The following SNRNP48 variants were observed in gnomAD, a reference collection of about 807,000 sequenced individuals.
The protein encoded by SNRNP48 is small nuclear ribonucleoprotein U11/U12 subunit 48.
Under a neutral mutation model 47.0 loss-of-function variants are expected in SNRNP48, and 43 were observed. The observed-to-expected ratio is 0.92, with a 90% CI of 0.72 to 1.18. SNRNP48 has a LOEUF of 1.18. Ranked by LOEUF, SNRNP48 falls within the 50% of genes most tolerant of loss-of-function variation. The pLI is 0.00. For synonymous variants in SNRNP48, 138 were observed against 144.0 expected, an observed-to-expected ratio of 0.96 and a Z score of 0.30; for missense variants, 396 against 422.2, an observed-to-expected ratio of 0.94 and a Z score of 0.54.
chr6:7,595,424 A>G (rs979659612), intron 4 of SNRNP48, among the ~76,000 whole-genome samples: 4 of 152,150 alleles, frequency 2.6e-5, no homozygotes, highest in African/African-American at 9.7e-5. Flanking sequence ...CAACTTAATG[A>G]TGATTTAATT....
Position 7,590,341 on chromosome 6 carries a change from G to A in SNRNP48, c.84G>A (p.Thr28=). The A allele has an allele frequency of 7.2e-7, 1 of 1,398,066 alleles. No individual in the cohort carries two copies. The highest frequency in any genetic ancestry group is 9.4e-7 in the Non-Finnish European group (1 of 1,063,184). The allele number at this position is 1,398,066 out of a possible 1,614,324, so 86.6% of individuals were successfully genotyped here. A position where few individuals can be genotyped will look rare whatever the true frequency, so the allele number is the denominator to read the frequency against. The part of the protein sequence containing the change: ...LNEFVESGCR[T]LEEVTASLGW... ...AGTTCGTGGAGAGCGGCTGCCGGAC[G>A]TTGGAGGAGGTGACCGCGTCCCTGG... Residue 28 remains threonine (T), a synonymous_variant, in exon 1 of 9, where the codon ACG becomes ACA. Coordinates refer to ENST00000342415, the MANE Select transcript of SNRNP48 (RefSeq NM_152551.4).
rs563060294 is a variant in SNRNP48 at position 7,590,660 on chromosome 6, T to C, written c.156+247T>C. 5.3e-5 allele frequency among the ~76,000 whole-genome samples: 8 copies of C among 152,206 alleles called. No individual in the cohort carries two copies. In the East Asian group the frequency reaches 1.2e-3, roughly 22 times the overall value. On this transcript the variant is annotated intron_variant, in intron 1 of 8. Coordinates refer to ENST00000342415, the MANE Select transcript of SNRNP48 (RefSeq NM_152551.4). ...TCCACATCGACCTCCAGTGCGGCGC[T>C]CCTCCCGCGCAACTTCGAGTTTAAA...
chr6:7,602,687 A>G lies in SNRNP48; in HGVS notation c.660A>G (p.Arg220=), dbSNP rs754838317. The change falls in exon 6 of 9, where the codon AGA becomes AGG. Residue 220 remains arginine, a synonymous_variant. Coordinates refer to ENST00000342415, the MANE Select transcript of SNRNP48 (RefSeq NM_152551.4). The part of the protein sequence containing the change: ...EILAEVRDYK[R]RRQSYRAKNV... ...TGGCAGAAGTACGAGATTATAAAAG[A>G]AGACGCCAGTCCTATAGAGCCAAGA... The G allele has an allele frequency of 2.5e-6, 4 of 1,607,270 alleles. No homozygotes were observed. The East Asian group carries it at 9.0e-5, about 36-fold the overall frequency.
chr6:7,594,932 C>T (rs938716642), intron 3 of SNRNP48, 95 bp from the exon 4 acceptor site: 30 of 1,006,390 alleles, frequency 3.0e-5, no homozygotes, highest in Admixed American at 8.3e-5. Context: ...GGTTTGTCCA[C>T]GTGCCCAAAG....
At chr6:7,594,400 C>T (rs1759868561) in intron 3 of SNRNP48, among the ~76,000 whole-genome samples, 1 of 152,086 alleles carries the variant, frequency 6.6e-6, no homozygotes, top group African/African-American at 2.4e-5. Flanking sequence ...AGAGCAGACA[C>T]CTTCTTTCTC....
chr6:7,590,443 G>A, intron 1 of SNRNP48, 30 bp downstream of exon 1: 1 of 1,278,976 alleles, frequency 7.8e-7, no homozygotes, highest in Non-Finnish European at 1.0e-6. Flanking sequence ...GGCCCTTTCG[G>A]GGACTATCGG....
chr6:7,602,543 A>G, intron 5 of SNRNP48, 80 bp from the exon 6 acceptor site: 1 of 1,089,640 alleles, frequency 9.2e-7, no homozygotes, highest in South Asian at 1.8e-5. Flanking sequence ...AAAATATAGG[A>G]TTGTGATGTA....
chr6:7,605,616 G>C (rs1490677384), intron 7 of SNRNP48, 130 bp downstream of exon 7: 13 of 845,002 alleles, frequency 1.5e-5, no homozygotes, highest in Non-Finnish European at 2.4e-5. Context: ...AATGCTTTTT[G>C]TTTTTCGTTG....
At chr6:7,606,003 C>T (rs1484609332) in intron 7 of SNRNP48, 28 bp from the exon 8 acceptor site, 6 of 1,577,400 alleles carry the variant, frequency 3.8e-6, no homozygotes, top group South Asian at 1.2e-5. Flanking sequence ...GTAACACAAA[C>T]TGATTAACAT....
At chr6:7,593,165 A>C (rs1328822937) in intron 1 of SNRNP48, among the ~76,000 whole-genome samples, 2 of 152,130 alleles carry the variant, frequency 1.3e-5, no homozygotes, top group East Asian at 3.9e-4. Flanking sequence ...ATTAAACAGC[A>C]AAAGGTCAGT....
At chr6:7,601,684 A>G (rs1283714455) in intron 5 of SNRNP48, among the ~76,000 whole-genome samples, 160 bp downstream of exon 5, 8 of 152,214 alleles carry the variant, frequency 5.3e-5, no homozygotes, top group Admixed American at 2.0e-4. Context: ...TGTGGGTTCC[A>G]TATCCATCAA....
chr6:7,609,006 G>C lies in SNRNP48; in HGVS notation c.*133G>C, dbSNP rs1760183534. On this transcript the variant is annotated 3_prime_UTR_variant, in exon 9 of 9. Transcript: ENST00000342415. ...GTGCTTATTATTTTTTTTATGATCTGTTTAGTGCTTATTATTTTCCAGTAA... is the reference window on the plus strand; with the variant it reads ...GTGCTTATTATTTTTTTTATGATCTCTTTAGTGCTTATTATTTTCCAGTAA... 10 of 414,236 alleles carry C rather than the reference G, an allele frequency of 2.4e-5. No homozygotes were observed. Among genetic ancestry groups the C allele is most frequent in the Middle Eastern group, 1.3e-3 (2 of 1,488 alleles). The allele number at this position is 414,236 out of a possible 1,614,324, so 25.7% of individuals were successfully genotyped here.
chr6:7,610,795 C>A lies in SNRNP48; in HGVS notation c.*1922C>A, dbSNP rs1760220443. The A allele has an allele frequency of 6.6e-6, 1 of 152,140 alleles. No individual in the cohort carries two copies. Among genetic ancestry groups the A allele is most frequent in the African/African-American group, 2.4e-5 (1 of 41,438 alleles). The allele number at this position is 152,140 out of a possible 1,614,324, so 9.4% of individuals were successfully genotyped here. On this transcript the variant is annotated 3_prime_UTR_variant, in exon 9 of 9. Coordinates refer to ENST00000342415, the MANE Select transcript of SNRNP48 (RefSeq NM_152551.4). ...GGGTGAAAAGAGGCATTTGTTTGATCCTTGAACGAATTAATCTCACGTACT... is the reference window on the plus strand; with the variant it reads ...GGGTGAAAAGAGGCATTTGTTTGATACTTGAACGAATTAATCTCACGTACT...
intron 1 of SNRNP48, among the ~76,000 whole-genome samples, chr6:7,592,560 A>G (rs1296189358): frequency 6.6e-6 from 1 of 152,134 alleles, no homozygotes; most frequent in Non-Finnish European, 1.5e-5. Context: ...AATCTTCACA[A>G]TCACTTTGTG....
intron 1 of SNRNP48, among the ~76,000 whole-genome samples, chr6:7,593,346 A>G (rs1383340644): frequency 6.6e-6 from 1 of 152,134 alleles, no homozygotes; most frequent in African/African-American, 2.4e-5. Flanking sequence ...TGACCTTCCA[A>G]GAGTTCAGAT....
chr6:7,599,819 T>C, intron 4 of SNRNP48: 1 of 1,191,192 alleles, frequency 8.4e-7, no homozygotes, highest in Non-Finnish European at 1.1e-6. Flanking sequence ...TAGTCTTGAA[T>C]TGGAATTTTG....
intron 2 of SNRNP48, 119 bp downstream of exon 2, chr6:7,593,966 G>T: frequency 1.0e-6 from 1 of 983,598 alleles, no homozygotes; most frequent in South Asian, 1.7e-5. Flanking sequence ...TTACTTGAAG[G>T]GTTGGTTGGT....
At chr6:7,597,834 CTTAAA>C (rs1439848482) in intron 4 of SNRNP48, among the ~76,000 whole-genome samples, 1 of 148,676 alleles carries the variant, frequency 6.7e-6, no homozygotes, top group Non-Finnish European at 1.5e-5. Context: ...CTTACACTAT[CTTAAA>C]TTAAGATTTA....
At chr6:7,599,824 ATTTTGG>A (rs1197993143) in intron 4 of SNRNP48, 30 of 1,180,118 alleles carry the variant, frequency 2.5e-5, no homozygotes, top group Non-Finnish European at 3.1e-5. Context: ...TTGAATTGGA[ATTTTGG>A]TTGAATTACA....
Sources: gnomAD v4.1 joint callset for allele counts (sites outside exome capture counted in the v4.1 genomes callset) on GRCh38, gnomAD v4.1.1 for gene constraint, MANE v1.5 for transcripts, NCBI Gene and HGNC (gene_info 2026-07-23, HGNC 2026-07-21) for gene names.